Variants in LONP1 observed in about 807,000 individuals in gnomAD.
LONP1 encodes lon protease homolog, mitochondrial.
A neutral mutation model predicts 98.5 loss-of-function variants in LONP1; 31 were observed. The observed-to-expected ratio is 0.31, with a 90% CI of 0.24 to 0.42. The LOEUF (loss-of-function observed/expected upper bound fraction) is 0.42, where lower values mean the gene tolerates loss of function less well. Ranked by LOEUF, LONP1 falls within the 20% of genes least tolerant of loss-of-function variation. The probability of loss-of-function intolerance (pLI) is 1.00; values close to 1 mark genes in which losing one functional copy is unlikely to be tolerated. For missense variants in LONP1, 1,336 were observed against 1,350.6 expected (o/e 0.99, Z 0.17); for synonymous variants, 781 against 594.7 (o/e 1.31, Z -4.56).
intron 13 of LONP1, 147 bp from the exon 14 acceptor site, chr19:5,695,048 C>T (rs557065540): frequency 1.1e-5 from 10 of 919,032 alleles, no homozygotes; most frequent in South Asian, 3.8e-5. Flanking sequence ...CTGGACACCC[C>T]GCCCTGCCAC....
chr19:5,715,816 C>T (rs372003341), intron 1 of LONP1, among the ~76,000 whole-genome samples: 1 of 152,098 alleles, frequency 6.6e-6, no homozygotes, highest in African/African-American at 2.4e-5. Flanking sequence ...CGCCACTGCA[C>T]TCGCTAATTT....
At chr19:5,716,131 C>T (rs375202881) in intron 1 of LONP1, among the ~76,000 whole-genome samples, 3 of 150,880 alleles carry the variant, frequency 2.0e-5, no homozygotes, top group East Asian at 3.9e-4. Flanking sequence ...CAGCACTTTG[C>T]GGGGCTGAGG....
Position 5,711,913 on chromosome 19 carries a change from TTGCCCCGCTTTGACTTCC to T in LONP1, c.710_727del (p.Arg237_Gly242del). ...GCTCAGCTCGTCCTCCGCCTCCTTC[TTGCCCCGCTTTGACTTCC>T]TGCGGGGCTTGTGCTTGTTCTCCGC... On this transcript the variant is annotated inframe_deletion, in exon 4 of 18. Coordinates refer to ENST00000360614, the MANE Select transcript of LONP1 (RefSeq NM_004793.4). 6.2e-7 allele frequency: 1 copy of T among 1,613,154 alleles called. No homozygotes were observed. Among genetic ancestry groups the T allele is most frequent in the Non-Finnish European group, 8.5e-7 (1 of 1,179,768 alleles).
At chr19:5,693,158 T>C in intron 17 of LONP1, 140 bp downstream of exon 17, 2 of 1,049,204 alleles carry the variant, frequency 1.9e-6, no homozygotes, top group East Asian at 2.6e-5. Flanking sequence ...TAAGGCCAGC[T>C]CCAGGCCAGA....
At chr19:5,712,964 C>T (rs2055260423) in intron 3 of LONP1, among the ~76,000 whole-genome samples, 170 bp downstream of exon 3, 1 of 152,156 alleles carries the variant, frequency 6.6e-6, no homozygotes, top group Admixed American at 6.6e-5. Context: ...CAGGAGGGGT[C>T]CAGAGGTGAC....
rs1238721875 is a variant in LONP1, at chr19:5,705,998, G to C, written c.1147-6C>G. 6.2e-7 allele frequency: 1 copy of C among 1,606,788 alleles called. No individual in the cohort carries two copies. Among genetic ancestry groups the C allele is most frequent in the Admixed American group, 1.7e-5 (1 of 60,000 alleles). On this transcript the variant is annotated splice_region_variant and splice_polypyrimidine_tract_variant and intron_variant, in intron 7 of 17. Coordinates refer to ENST00000360614, the MANE Select transcript of LONP1 (RefSeq NM_004793.4). Reference sequence around the variant, plus strand: ...TGCTTGATCTTCTCCTCCACCTGTGGGGTGAGGTGCTGCCATCAGGCCCTG... The same window carrying C: ...TGCTTGATCTTCTCCTCCACCTGTGCGGTGAGGTGCTGCCATCAGGCCCTG...
rs749640384 is a variant in LONP1, at chr19:5,714,173, TCA to T, written c.518+8_518+9del. On this transcript the variant is annotated splice_region_variant and intron_variant, in intron 2 of 17. Transcript: ENST00000360614. The stretch of plus-strand genomic sequence containing the variant: ...CGTCAACAAGGGAATGAAGGAAAAA[TCA>T]CACTTACCTGTCATCTCTCTTTAGA... The T allele has an allele frequency of 8.1e-6, 13 of 1,609,666 alleles. No homozygotes were observed. Among genetic ancestry groups the T allele is most frequent in the Middle Eastern group, 3.3e-4 (2 of 6,068 alleles).
chr19:5,710,498 C>T (rs571803882), intron 4 of LONP1, among the ~76,000 whole-genome samples: 5 of 152,118 alleles, frequency 3.3e-5, no homozygotes, highest in East Asian at 3.9e-4. Context: ...TGGGCTCAAG[C>T]GATCCTCCCA....
At chr19:5,695,387 C>T in intron 13 of LONP1, among the ~76,000 whole-genome samples, 1 of 152,072 alleles carries the variant, frequency 6.6e-6, no homozygotes. Context: ...TCTACATCTG[C>T]CACTGATACT....
Position 5,712,002 on chromosome 19 carries a change from T to C in LONP1, c.639A>G (p.Arg213=). 1.9e-6 allele frequency: 3 copies of C among 1,610,424 alleles called. No individual in the cohort carries two copies. The highest frequency in any genetic ancestry group is 1.1e-5 in the South Asian group (1 of 90,984). The change falls in exon 4 of 18, where the codon AGA becomes AGG. Residue 213 remains arginine, a splice_region_variant and synonymous_variant. Transcript: ENST00000360614. ...KLRMIVMGHR[R]VHISRQLEVE... ...CCTCCAGCTGTCTGCTGATATGGAC[T>C]CTGACACGGGAGCAAGGCAGGTGTG...
At chr19:5,694,638 C>CGGGCGAGGGGTGGTGGGGTGAT in intron 14 of LONP1, 86 bp from the exon 15 acceptor site, 2 of 1,522,928 alleles carry the variant, frequency 1.3e-6, no homozygotes, top group Non-Finnish European at 9.0e-7. Flanking sequence ...AAAGGTGTGA[C>CGGGCGAGGGGTGGTGGGGTGAT]GGGCGCGGGG....
At position 5,711,987 on chromosome 19, in the gene LONP1, TCTG is replaced by T; in HGVS notation, c.651_653del (p.Ser217del). ...GCTCCTCGGGCTCCACCTCCAGCTG[TCTG>T]CTGATATGGACTCTGACACGGGAGC... On this transcript the variant is annotated inframe_deletion, in exon 4 of 18. Transcript: ENST00000360614. The T allele has an allele frequency of 6.2e-7, 1 of 1,612,690 alleles. No individual in the cohort carries two copies. Among genetic ancestry groups the T allele is most frequent in the Non-Finnish European group, 8.5e-7 (1 of 1,179,772 alleles).
rs532198283 is a variant in LONP1, at chr19:5,717,891, CT to C, written c.429+1812del. ...CACTGTGCCCGGCTTTTCTTTCTTT[CT>C]TTTTTTTTTTTTTTTTGTAGAGACA... On this transcript the variant is annotated intron_variant, in intron 1 of 17. Coordinates refer to ENST00000360614, the MANE Select transcript of LONP1 (RefSeq NM_004793.4). Among the ~76,000 whole-genome samples, 1,216 of 133,218 alleles carry C rather than the reference CT, an allele frequency of 9.1e-3. 30 individuals are homozygous for C. The highest frequency in any genetic ancestry group is 0.063 in the Admixed American group (807 of 12,834). The allele number at this position is 133,218 out of a possible 152,430, so 87.4% of individuals were successfully genotyped here.
intron 17 of LONP1, 34 bp downstream of exon 17, chr19:5,693,264 G>A: frequency 6.3e-7 from 1 of 1,582,204 alleles, no homozygotes; most frequent in Non-Finnish European, 8.6e-7. Context: ...TGTGGGCCCT[G>A]CCAGTGCTGT....
chr19:5,703,112 C>T (rs569554703), intron 8 of LONP1, among the ~76,000 whole-genome samples: 133 of 146,482 alleles, frequency 9.1e-4, no homozygotes, highest in African/African-American at 2.5e-3. Flanking sequence ...ACCCGAGAGG[C>T]GGAGCTTGCA....
intron 5 of LONP1, 175 bp downstream of exon 5, chr19:5,708,167 G>C (rs576946930): frequency 1.5e-6 from 1 of 659,610 alleles, no homozygotes; most frequent in East Asian, 2.7e-5. Flanking sequence ...AGTCGGCCCC[G>C]GGCCTCCCAC....
chr19:5,701,688 C>T (rs937112563), intron 8 of LONP1, among the ~76,000 whole-genome samples: 2 of 152,172 alleles, frequency 1.3e-5, no homozygotes, highest in African/African-American at 4.8e-5. Flanking sequence ...CTACAACCTC[C>T]ACCTCCCAGC....
chr19:5,700,958 T>C, intron 8 of LONP1, 31 bp from the exon 9 acceptor site: 1 of 1,613,312 alleles, frequency 6.2e-7, no homozygotes, highest in Admixed American at 1.7e-5. Context: ...AGATGCTGAG[T>C]GGAGCTCACG....
At chr19:5,708,470 G>GA in intron 4 of LONP1, 67 bp from the exon 5 acceptor site, 1 of 974,118 alleles carries the variant, frequency 1.0e-6, no homozygotes, top group Non-Finnish European at 1.5e-6. Context: ...CTGGGTGGGA[G>GA]CATGGCCCTG....
Sources: gnomAD v4.1 joint callset for allele counts (sites outside exome capture counted in the v4.1 genomes callset) on GRCh38, gnomAD v4.1.1 for gene constraint, MANE v1.5 for transcripts, NCBI Gene and HGNC (gene_info 2026-07-23, HGNC 2026-07-21) for gene names.